HS3ST4: variants seen among roughly 807,000 people sequenced by gnomAD.
HS3ST4 encodes the protein heparan sulfate glucosamine 3-O-sulfotransferase 4.
HS3ST4 carries 17 observed loss-of-function variants against 29.2 expected under a neutral mutation model. The observed-to-expected ratio is 0.58, with a 90% CI of 0.40 to 0.87. HS3ST4 has a LOEUF of 0.87. Ranked by LOEUF, HS3ST4 falls within the 40% of genes least tolerant of loss-of-function variation. The pLI, the probability that HS3ST4 is intolerant of heterozygous loss-of-function variation, is 0.00. For missense variants in HS3ST4, 627 were observed against 634.5 expected (o/e 0.99, Z 0.13); for synonymous variants, 314 against 285.7 (o/e 1.10, Z -1.00).
chr16:26,100,901 G>A (rs758052184), intron 1 of HS3ST4, among the ~76,000 whole-genome samples: 3 of 152,112 alleles, frequency 2.0e-5, no homozygotes, highest in Admixed American at 1.3e-4. Context: ...CAGATGGGGC[G>A]ATGGCAGCTC....
At chr16:26,006,300 GAAAAAAAAAAA>G (rs11461863) in intron 1 of HS3ST4, among the ~76,000 whole-genome samples, 12 of 68,668 alleles carry the variant, frequency 1.7e-4, no homozygotes, top group South Asian at 9.0e-4. Flanking sequence ...CTCTGTTTCA[GAAAAAAAAAAA>G]AAAAAAAAAA....
In HS3ST4 at chr16:25,940,545, C is replaced by G. The variant is rs566312091; in HGVS notation, c.735-195067C>G. 3.7e-4 allele frequency among the ~76,000 whole-genome samples: 56 copies of G among 152,316 alleles called. 1 individual carries two copies. In the South Asian group the frequency reaches 0.01, roughly 28 times the overall value. On this transcript the variant is annotated intron_variant, in intron 1 of 1. Transcript: ENST00000331351. ...AATGTTGGAGTTCGTTCCAGCTATGCTGAGAGCTGGGAGAGCTCTCATGTT... is the reference window on the plus strand; with the variant it reads ...AATGTTGGAGTTCGTTCCAGCTATGGTGAGAGCTGGGAGAGCTCTCATGTT...
intron 1 of HS3ST4, among the ~76,000 whole-genome samples, chr16:26,037,086 G>A (rs781067029): frequency 2.1e-4 from 32 of 152,166 alleles, no homozygotes; most frequent in Non-Finnish European, 3.7e-4. Flanking sequence ...CACTTCCCTT[G>A]GGTAAAAGGC....
chr16:25,942,932 G>C (rs60266587), intron 1 of HS3ST4, among the ~76,000 whole-genome samples: 12,932 of 152,044 alleles, frequency 0.085, 760 homozygotes, highest in African/African-American at 0.15. Flanking sequence ...TGCCTGTCTT[G>C]CTTTTAAAAT....
At chr16:25,936,525 A>G (rs1968518322) in intron 1 of HS3ST4, among the ~76,000 whole-genome samples, 1 of 152,250 alleles carries the variant, frequency 6.6e-6, no homozygotes, top group African/African-American at 2.4e-5. Flanking sequence ...GTAAAAAGAG[A>G]AAAATAAGAT....
At chr16:25,737,255 A>G (rs1966615908) in intron 1 of HS3ST4, among the ~76,000 whole-genome samples, 2 of 152,170 alleles carry the variant, frequency 1.3e-5, no homozygotes, top group Non-Finnish European at 2.9e-5. Flanking sequence ...TGCTCAGGCG[A>G]TGACCGTATG....
At chr16:25,877,378 GAC>G (rs1967843320) in intron 1 of HS3ST4, among the ~76,000 whole-genome samples, 1 of 152,172 alleles carries the variant, frequency 6.6e-6, no homozygotes, top group African/African-American at 2.4e-5. Flanking sequence ...CACAGGGACA[GAC>G]ACATAGCAAA....
At chr16:26,130,270 C>T (rs1007909736) in intron 1 of HS3ST4, among the ~76,000 whole-genome samples, 3 of 152,162 alleles carry the variant, frequency 2.0e-5, no homozygotes. Context: ...AGTGTTTTCT[C>T]ACCATATGGT....
rs180692459 is a variant in HS3ST4, at chr16:25,729,453, C to T, written c.734+36302C>T. Among the ~76,000 whole-genome samples the T allele has an allele frequency of 3.9e-3, 597 of 152,304 alleles. 2 individuals are homozygous for T. The highest frequency in any genetic ancestry group is 6.5e-3 in the Non-Finnish European group (439 of 68,024). On this transcript the variant is annotated intron_variant, in intron 1 of 1. Coordinates refer to ENST00000331351, the MANE Select transcript of HS3ST4 (RefSeq NM_006040.3). ...GTAGATTCAGGTTCCATCCTGGTGCCTGGATCCCCATCCTCTTTTGATGAC... is the reference window on the plus strand; with the variant it reads ...GTAGATTCAGGTTCCATCCTGGTGCTTGGATCCCCATCCTCTTTTGATGAC...
At chr16:25,730,166 T>A (rs189116212) in intron 1 of HS3ST4, among the ~76,000 whole-genome samples, 1 of 152,302 alleles carries the variant, frequency 6.6e-6, no homozygotes, top group Admixed American at 6.5e-5. Flanking sequence ...AATTATGTCC[T>A]GGGTCTTGCT....
intron 1 of HS3ST4, among the ~76,000 whole-genome samples, chr16:25,922,406 C>T (rs981982214): frequency 2.6e-5 from 4 of 152,286 alleles, no homozygotes; most frequent in Admixed American, 6.5e-5. Flanking sequence ...AATAGATCCT[C>T]GCTAGACATT....
chr16:25,724,607 C>A (rs1213475969), intron 1 of HS3ST4, among the ~76,000 whole-genome samples: 1 of 152,052 alleles, frequency 6.6e-6, no homozygotes, highest in East Asian at 1.9e-4. Context: ...CGTGATCCCC[C>A]CACCTCGGCC....
chr16:26,047,281 G>C (rs1006540307), intron 1 of HS3ST4, among the ~76,000 whole-genome samples: 1 of 152,208 alleles, frequency 6.6e-6, no homozygotes, highest in Non-Finnish European at 1.5e-5. Flanking sequence ...TAGCAGAAGT[G>C]CCTGGCTTTA....
chr16:26,025,585 G>T (rs9938159), intron 1 of HS3ST4, among the ~76,000 whole-genome samples: 13,054 of 152,122 alleles, frequency 0.086, 1,294 homozygotes, highest in East Asian at 0.29. Flanking sequence ...TGTGCCACTG[G>T]TTCTTTATTA....
chr16:25,765,944 T>C (rs558613305), intron 1 of HS3ST4, among the ~76,000 whole-genome samples: 1 of 152,078 alleles, frequency 6.6e-6, no homozygotes, highest in South Asian at 2.1e-4. Flanking sequence ...CAAGGCTGAG[T>C]TGGTGTGTTA....
At chr16:26,095,361 T>G (rs1898909453) in intron 1 of HS3ST4, among the ~76,000 whole-genome samples, 1 of 152,172 alleles carries the variant, frequency 6.6e-6, no homozygotes, top group African/African-American at 2.4e-5. Flanking sequence ...AGCACATAAT[T>G]GGAAGTAAAA....
At chr16:26,080,699 G>A (rs1898714132) in intron 1 of HS3ST4, among the ~76,000 whole-genome samples, 2 of 152,140 alleles carry the variant, frequency 1.3e-5, no homozygotes, top group African/African-American at 4.8e-5. Flanking sequence ...ATACACTTCA[G>A]TCACTGGTGG....
intron 1 of HS3ST4, among the ~76,000 whole-genome samples, chr16:25,806,899 T>A (rs1227566069): frequency 6.6e-6 from 1 of 152,172 alleles, no homozygotes; most frequent in Non-Finnish European, 1.5e-5. Context: ...TTTTCTCACA[T>A]GCATAGGTTC....
chr16:25,913,517 C>T (rs1035543669), intron 1 of HS3ST4, among the ~76,000 whole-genome samples: 4 of 152,142 alleles, frequency 2.6e-5, no homozygotes, highest in African/African-American at 9.7e-5. Flanking sequence ...CAGTTTATGG[C>T]CTTTGGTTAT....
Sources: allele counts gnomAD v4.1 joint callset (sites outside exome capture counted in the v4.1 genomes callset), GRCh38; gene constraint gnomAD v4.1.1; transcripts MANE v1.5; gene names NCBI Gene and HGNC (gene_info 2026-07-23, HGNC 2026-07-21).